The following GASK1A variants were observed in gnomAD, a reference collection of about 807,000 sequenced individuals.
The protein encoded by GASK1A is golgi associated kinase 1A.
A neutral mutation model predicts 41.2 loss-of-function variants in GASK1A; 40 were observed. That is an observed-to-expected ratio of 0.97 (90% CI 0.75 to 1.27). GASK1A has a LOEUF of 1.27. Ranked by LOEUF, GASK1A falls within the 50% of genes most tolerant of loss-of-function variation. The pLI, the probability that GASK1A is intolerant of heterozygous loss-of-function variation, is 0.00. For missense variants in GASK1A, 678 were observed against 745.1 expected, an observed-to-expected ratio of 0.91 and a Z score of 1.05; for synonymous variants, 316 against 307.1, an observed-to-expected ratio of 1.03 and a Z score of -0.30.
In GASK1A at chr3:43,033,284, C is replaced by T. The variant is rs745334726; in HGVS notation, c.1021C>T (p.Arg341Cys). The T allele has an allele frequency of 9.7e-6, 15 of 1,551,372 alleles. No homozygotes were observed. Among genetic ancestry groups the T allele is most frequent in the African/African-American group, 4.1e-5 (3 of 73,060 alleles). ...SFHVDRVLGL[R>C]RSLPAVARRF... is the part of the protein sequence containing the mutation. ...CCACGTAGATCGTGTGCTGGGGCTG[C>T]GCCGGAGCCTACCTGCTGTGGCCCG... Residue 341 changes from arginine to cysteine, a missense_variant, in exon 2 of 5, where the codon CGC (arginine) becomes TGC (cysteine). Arg to Cys is a radical substitution (Grantham distance 180). Coordinates refer to ENST00000430121, the MANE Select transcript of GASK1A (RefSeq NM_001129908.3).
intron 2 of GASK1A, among the ~76,000 whole-genome samples, chr3:43,035,901 G>C (rs759370042): frequency 2.6e-5 from 4 of 152,232 alleles, no homozygotes; most frequent in African/African-American, 4.8e-5. Flanking sequence ...CTTGTGGGCT[G>C]AGAAGCAGCC....
intron 2 of GASK1A, among the ~76,000 whole-genome samples, chr3:43,034,081 C>T (rs1337054499): frequency 6.6e-6 from 1 of 152,224 alleles, no homozygotes; most frequent in Non-Finnish European, 1.5e-5. Flanking sequence ...CCCTCTACTC[C>T]TGGAGAGCTG....
chr3:43,010,203 C>T (rs1179171922), intron 1 of GASK1A, among the ~76,000 whole-genome samples: 3 of 152,016 alleles, frequency 2.0e-5, no homozygotes, highest in South Asian at 2.1e-4. Context: ...GGTTCCAGGC[C>T]GTTATATATA....
Position 43,037,914 on chromosome 3 carries a change from T to G in GASK1A, c.1290+4361T>G, listed in dbSNP as rs139132045. ...TTTAAGACTTTGATTTTTATGATTA[T>G]GAAAGAAATAAGGAACAACCACAGT... is the stretch of plus-strand genomic sequence containing the variant. On this transcript the variant is annotated intron_variant, in intron 2 of 4. Transcript: ENST00000430121. Among the ~76,000 whole-genome samples the G allele has an allele frequency of 3.9e-3, 593 of 152,338 alleles. 7 individuals are homozygous for G. The highest frequency in any genetic ancestry group is 0.014 in the African/African-American group (566 of 41,590).
At chr3:43,000,520 C>T (rs542920682) in intron 1 of GASK1A, among the ~76,000 whole-genome samples, 1 of 152,254 alleles carries the variant, frequency 6.6e-6, no homozygotes, top group Non-Finnish European at 1.5e-5. Flanking sequence ...TCTCTCAAGA[C>T]AGCAGCCATG....
At chr3:43,027,282 A>T (rs2089551245) in intron 1 of GASK1A, among the ~76,000 whole-genome samples, 1 of 152,222 alleles carries the variant, frequency 6.6e-6, no homozygotes, top group Non-Finnish European at 1.5e-5. Context: ...TTAACTGAAT[A>T]ACTAAGACCT....
intron 1 of GASK1A, among the ~76,000 whole-genome samples, chr3:42,989,332 C>T (rs528956873): frequency 6.6e-6 from 1 of 152,276 alleles, no homozygotes; most frequent in Admixed American, 6.5e-5. Flanking sequence ...GCAATCTCTT[C>T]CTTCTAGGTG....
intron 2 of GASK1A, among the ~76,000 whole-genome samples, chr3:43,047,387 TTTTA>T (rs2089669398): frequency 6.6e-6 from 1 of 152,176 alleles, no homozygotes. Flanking sequence ...TAGCCAACAT[TTTTA>T]TTAGTAGCCT....
At chr3:43,040,779 T>C (rs552167986) in intron 2 of GASK1A, among the ~76,000 whole-genome samples, 218 of 151,830 alleles carry the variant, frequency 1.4e-3, no homozygotes, top group Non-Finnish European at 2.8e-3. Flanking sequence ...ATGTGCACAA[T>C]GTGCAGGTTA....
chr3:43,011,273 T>C (rs2089462223), intron 1 of GASK1A, among the ~76,000 whole-genome samples: 2 of 151,816 alleles, frequency 1.3e-5, no homozygotes, highest in South Asian at 4.2e-4. Flanking sequence ...TCCCAGCTAC[T>C]TGAGAGGCTG....
intron 1 of GASK1A, among the ~76,000 whole-genome samples, chr3:43,024,250 C>G (rs2089535452): frequency 6.6e-6 from 1 of 152,164 alleles, no homozygotes; most frequent in Non-Finnish European, 1.5e-5. Flanking sequence ...GTCCTCTGCT[C>G]TATCACCTAT....
chr3:42,997,722 C>T (rs1343854302), intron 1 of GASK1A, among the ~76,000 whole-genome samples: 4 of 152,292 alleles, frequency 2.6e-5, no homozygotes, highest in Non-Finnish European at 5.9e-5. Context: ...ATTTAATTAG[C>T]ATAATGGGCC....
chr3:42,986,945 G>A (rs544237805), intron 1 of GASK1A, among the ~76,000 whole-genome samples: 1 of 152,168 alleles, frequency 6.6e-6, no homozygotes, highest in African/African-American at 2.4e-5. Context: ...TCAGGCATCC[G>A]GATGTATGGG....
intron 1 of GASK1A, among the ~76,000 whole-genome samples, chr3:43,006,217 G>A (rs2089435425): frequency 6.6e-6 from 1 of 152,106 alleles, no homozygotes; most frequent in African/African-American, 2.4e-5. Context: ...TTTCTTGGTC[G>A]GTGCACAGCC....
intron 2 of GASK1A, among the ~76,000 whole-genome samples, chr3:43,044,160 A>G (rs2089651060): frequency 6.6e-6 from 1 of 152,238 alleles, no homozygotes. Flanking sequence ...TTGGCTGACC[A>G]TGCAGCAGGT....
intron 2 of GASK1A, chr3:43,037,239 C>T: frequency 9.2e-7 from 1 of 1,088,000 alleles, no homozygotes; most frequent in Non-Finnish European, 1.4e-6. Flanking sequence ...AGACAGGTCC[C>T]TGGCTGAAAA....
intron 1 of GASK1A, among the ~76,000 whole-genome samples, chr3:43,028,722 G>C (rs1453738703): frequency 6.6e-6 from 1 of 152,324 alleles, no homozygotes; most frequent in East Asian, 1.9e-4. Flanking sequence ...GGTTTGGGGA[G>C]CACAGGTTGT....
chr3:43,005,393 G>GTGTT (rs1354523867), intron 1 of GASK1A, among the ~76,000 whole-genome samples: 1 of 152,308 alleles, frequency 6.6e-6, no homozygotes, highest in Non-Finnish European at 1.5e-5. Flanking sequence ...TTTCATTTGT[G>GTGTT]TGTTGTACTG....
In GASK1A at chr3:43,053,735, T is replaced by A. The variant is rs963901962; in HGVS notation, c.1413+92T>A. ...GCTGTTAACAAGTTTCAGAGATCAG[T>A]TGATGCTGGGGTTTCCCAGTCTTGT... is the stretch of plus-strand genomic sequence containing the variant. On this transcript the variant is annotated intron_variant, in intron 3 of 4. Coordinates refer to ENST00000430121, the MANE Select transcript of GASK1A (RefSeq NM_001129908.3). 9.2e-6 allele frequency: 13 copies of A among 1,414,094 alleles called. No homozygotes were observed. In the African/African-American group the frequency reaches 1.8e-4, roughly 20 times the overall value. The allele number at this position is 1,414,094 out of a possible 1,614,324, so 87.6% of individuals were successfully genotyped here.
Sources: allele counts gnomAD v4.1 joint callset (sites outside exome capture counted in the v4.1 genomes callset), GRCh38; gene constraint gnomAD v4.1.1; transcripts MANE v1.5; gene names NCBI Gene and HGNC (gene_info 2026-07-23, HGNC 2026-07-21).